DARS1: variants seen among roughly 807,000 people sequenced by gnomAD.
DARS1 encodes aspartyl-tRNA synthetase 1.
In DARS1, 51 loss-of-function variants were observed where a neutral mutation model predicts 68.8. The observed-to-expected ratio is 0.74, with a 90% CI of 0.59 to 0.94. The LOEUF (loss-of-function observed/expected upper bound fraction) is 0.94, where lower values mean the gene tolerates loss of function less well. Among genes scored for constraint, DARS1 ranks in the 40% least tolerant of loss-of-function variants. The pLI, the probability that DARS1 is intolerant of heterozygous loss-of-function variation, is 0.00. For synonymous variants in DARS1, 203 were observed against 190.4 expected (o/e 1.07, Z -0.55); for missense variants, 607 against 597.3 (o/e 1.02, Z -0.17).
chr2:135,913,203 A>C (rs972900854), intron 12 of DARS1, among the ~76,000 whole-genome samples: 1 of 152,030 alleles, frequency 6.6e-6, no homozygotes, highest in African/African-American at 2.4e-5. Context: ...ATTATCTCAA[A>C]TCCTTTTGAT....
intron 3 of DARS1, among the ~76,000 whole-genome samples, chr2:135,968,793 C>G (rs1162405141): frequency 6.6e-6 from 1 of 151,790 alleles, no homozygotes; most frequent in Admixed American, 6.6e-5. Flanking sequence ...TCCCAGGTAG[C>G]TGGGATTACA....
intron 7 of DARS1, among the ~76,000 whole-genome samples, chr2:135,926,650 G>C (rs900079739): frequency 1.3e-5 from 2 of 152,140 alleles, no homozygotes; most frequent in African/African-American, 4.8e-5. Flanking sequence ...TAACAAGAAA[G>C]AAAAACAAAT....
At chr2:135,956,006 C>T (rs1233815652) in intron 4 of DARS1, among the ~76,000 whole-genome samples, 2 of 152,116 alleles carry the variant, frequency 1.3e-5, no homozygotes, top group Non-Finnish European at 2.9e-5. Flanking sequence ...ATAGGTCAAG[C>T]ACTTCTTTCA....
At chr2:135,970,856 T>C (rs1488538208) in intron 3 of DARS1, among the ~76,000 whole-genome samples, 1 of 152,010 alleles carries the variant, frequency 6.6e-6, no homozygotes, top group Non-Finnish European at 1.5e-5. Flanking sequence ...CTAGAAGAAA[T>C]GGACATTTCT....
At chr2:135,978,207 C>T (rs1390804537) in intron 3 of DARS1, among the ~76,000 whole-genome samples, 5 of 139,990 alleles carry the variant, frequency 3.6e-5, no homozygotes, top group Non-Finnish European at 7.8e-5. Flanking sequence ...TATCATGGGA[C>T]ATATTAAATA....
intron 9 of DARS1, among the ~76,000 whole-genome samples, chr2:135,920,930 T>C (rs1171883411): frequency 1.3e-5 from 2 of 151,902 alleles, no homozygotes; most frequent in Non-Finnish European, 2.9e-5. Flanking sequence ...TTCTTCTCAA[T>C]TTTATTAAAA....
chr2:135,931,298 A>G (rs141910325), intron 7 of DARS1, among the ~76,000 whole-genome samples: 1 of 152,278 alleles, frequency 6.6e-6, no homozygotes, highest in African/African-American at 2.4e-5. Context: ...GTGCAGTGGT[A>G]CAAACATAGC....
Position 135,963,702 on chromosome 2 carries a change from T to G in DARS1, c.218-2204A>C, listed in dbSNP as rs1249565566. Among the ~76,000 whole-genome samples, 3 of 136,038 alleles carry G rather than the reference T, an allele frequency of 2.2e-5. No homozygotes were observed. The East Asian group carries it at 6.7e-4, about 30-fold the overall frequency. 89.2% of individuals were successfully genotyped at this position (136,038 alleles called of 152,430 possible). On this transcript the variant is annotated intron_variant, in intron 3 of 15. Transcript: ENST00000264161. Reference sequence around the variant, plus strand: ...ATGACTTCTTTTTTTTTTTTTGAGATGGCATCTCGCTCTGTTGCCCAGGCT... The same window carrying G: ...ATGACTTCTTTTTTTTTTTTTGAGAGGGCATCTCGCTCTGTTGCCCAGGCT...
Position 135,911,500 on chromosome 2 carries a change from G to C in DARS1, c.1231-7C>G. ...CGTAAGAGTTGGACTGTTTCTGCAA[G>C]AGAAAAAACACCAGTCCTCAAGTGA... On this transcript the variant is annotated splice_polypyrimidine_tract_variant and splice_region_variant and intron_variant, in intron 13 of 15. Coordinates refer to ENST00000264161, the MANE Select transcript of DARS1 (RefSeq NM_001349.4). 1.1e-6 allele frequency: 1 copy of C among 875,440 alleles called. No individual in the cohort carries two copies. Among genetic ancestry groups the C allele is most frequent in the South Asian group, 1.4e-5 (1 of 73,994 alleles). 54.2% of individuals were successfully genotyped at this position (875,440 alleles called of 1,614,324 possible). A position where few individuals can be genotyped will look rare whatever the true frequency, so the allele number is the denominator to read the frequency against.
At chr2:135,985,210 G>C (rs1682747481) in intron 1 of DARS1, 193 bp downstream of exon 1, 2 of 897,336 alleles carry the variant, frequency 2.2e-6, no homozygotes, top group Non-Finnish European at 3.2e-6. Flanking sequence ...GGTGACCCCC[G>C]CAAGAAACGC....
chr2:135,971,054 C>CA (rs1271016664), intron 3 of DARS1, among the ~76,000 whole-genome samples: 1 of 152,022 alleles, frequency 6.6e-6, no homozygotes, highest in African/African-American at 2.4e-5. Context: ...CAAACTGTTC[C>CA]AAAAAACAGA....
chr2:135,956,230 A>C (rs1318775243), intron 4 of DARS1, among the ~76,000 whole-genome samples: 1 of 152,230 alleles, frequency 6.6e-6, no homozygotes. Context: ...TTATTGCAAT[A>C]GGGGAAAAGA....
chr2:135,941,917 A>C (rs2104817785), intron 5 of DARS1, among the ~76,000 whole-genome samples: 1 of 152,350 alleles, frequency 6.6e-6, no homozygotes, highest in African/African-American at 2.4e-5. Context: ...GCTCATCATC[A>C]CTGGCCATCA....
At chr2:135,963,956 C>T (rs1312189951) in intron 3 of DARS1, among the ~76,000 whole-genome samples, 1 of 152,224 alleles carries the variant, frequency 6.6e-6, no homozygotes, top group Admixed American at 6.5e-5. Context: ...GCCGGGATTA[C>T]AGGCGTGAGC....
At chr2:135,937,202 C>A (rs886894915) in intron 5 of DARS1, among the ~76,000 whole-genome samples, 3 of 152,042 alleles carry the variant, frequency 2.0e-5, no homozygotes, top group Admixed American at 6.6e-5. Flanking sequence ...AATTCTCTTG[C>A]CTCAGCCTCC....
intron 3 of DARS1, among the ~76,000 whole-genome samples, chr2:135,976,888 T>C (rs1049037010): frequency 3.3e-5 from 5 of 152,094 alleles, no homozygotes; most frequent in Non-Finnish European, 7.4e-5. Context: ...TGATGCTTCA[T>C]ACTTACATGC....
intron 4 of DARS1, among the ~76,000 whole-genome samples, chr2:135,954,325 C>CAAAAAAAAAAAA (rs1172207033): frequency 1.2e-5 from 1 of 81,478 alleles, no homozygotes; most frequent in African/African-American, 4.7e-5. Flanking sequence ...AAAACAAAAC[C>CAAAAAAAAAAAA]AAAAAAAAAA....
intron 3 of DARS1, among the ~76,000 whole-genome samples, chr2:135,965,300 T>C (rs1489213722): frequency 6.6e-6 from 1 of 152,112 alleles, no homozygotes; most frequent in Non-Finnish European, 1.5e-5. Context: ...AAATAAGTGC[T>C]GAACAGCATA....
intron 5 of DARS1, 183 bp downstream of exon 5, chr2:135,943,191 ATGTT>A: frequency 2.6e-6 from 2 of 764,030 alleles, no homozygotes; most frequent in Non-Finnish European, 1.9e-6. Context: ...AAGCAAATAA[ATGTT>A]TGTTGTTTCA....
Sources: allele counts gnomAD v4.1 joint callset (sites outside exome capture counted in the v4.1 genomes callset), GRCh38; gene constraint gnomAD v4.1.1; transcripts MANE v1.5; gene names NCBI Gene and HGNC (gene_info 2026-07-23, HGNC 2026-07-21).